The following CHST9 variants were observed in gnomAD, a reference collection of about 807,000 sequenced individuals.
CHST9 encodes the protein GalNAc-4-sulfotransferase 2.
CHST9 carries 41 observed loss-of-function variants against 44.4 expected under a neutral mutation model. The observed-to-expected ratio is 0.92, with a 90% CI of 0.72 to 1.20. The LOEUF is 1.20. Among genes scored for constraint, CHST9 ranks in the 50% most tolerant of loss-of-function variants. The pLI is 0.00. For synonymous variants in CHST9, 171 were observed against 178.4 expected, an observed-to-expected ratio of 0.96 and a Z score of 0.33; for missense variants, 504 against 516.5, an observed-to-expected ratio of 0.98 and a Z score of 0.23.
chr18:26,982,112 G>C (rs1353181048), intron 4 of CHST9, among the ~76,000 whole-genome samples: 1 of 152,104 alleles, frequency 6.6e-6, no homozygotes, highest in Non-Finnish European at 1.5e-5. Flanking sequence ...GAGTAAAAAA[G>C]ACCCATGATG....
intron 4 of CHST9, among the ~76,000 whole-genome samples, chr18:26,978,272 TGTGA>T (rs1343577779): frequency 2.2e-5 from 3 of 137,270 alleles, no homozygotes; most frequent in Non-Finnish European, 4.9e-5. Context: ...GATGTGTGTG[TGTGA>T]GTGTGTGTAT....
chr18:27,033,832 A>G (rs1029055479), intron 3 of CHST9, among the ~76,000 whole-genome samples: 12 of 152,204 alleles, frequency 7.9e-5, no homozygotes, highest in African/African-American at 2.7e-4. Flanking sequence ...GCCTATCTAA[A>G]TATGAAGTCC....
intron 5 of CHST9, chr18:26,936,800 G>A (rs1280224288): frequency 6.6e-6 from 1 of 152,180 alleles, no homozygotes; most frequent in East Asian, 1.9e-4. Flanking sequence ...ATTATTCATG[G>A]AATATATTTC....
At chr18:27,047,487 A>T (rs1197418466) in intron 3 of CHST9, among the ~76,000 whole-genome samples, 1 of 151,826 alleles carries the variant, frequency 6.6e-6, no homozygotes, top group Non-Finnish European at 1.5e-5. Context: ...AAATTCATGC[A>T]GGTATTAAGT....
chr18:27,111,804 G>GGGCATCACCTATTC (rs1430744283), intron 2 of CHST9, among the ~76,000 whole-genome samples: 2 of 152,188 alleles, frequency 1.3e-5, no homozygotes, highest in African/African-American at 4.8e-5. Context: ...CTAATTCAGT[G>GGGCATCACCTATTC]AGGGCCTGAA....
chr18:27,050,372 G>A (rs2057551420), intron 2 of CHST9, among the ~76,000 whole-genome samples: 2 of 152,126 alleles, frequency 1.3e-5, no homozygotes, highest in Non-Finnish European at 2.9e-5. Context: ...CCGTGGTTTG[G>A]GATAAGTGAA....
chr18:26,918,455 G>A (rs940638553), intron 5 of CHST9, among the ~76,000 whole-genome samples: 1 of 151,142 alleles, frequency 6.6e-6, no homozygotes, highest in Non-Finnish European at 1.5e-5. Context: ...AGTTTCCTAG[G>A]GAATATAAAC....
chr18:26,944,571 G>T (rs2056134326), intron 4 of CHST9, among the ~76,000 whole-genome samples: 2 of 152,120 alleles, frequency 1.3e-5, no homozygotes, highest in African/African-American at 4.8e-5. Flanking sequence ...GTTAGGCAAA[G>T]ATAACAGAAA....
rs146966271 is a variant in CHST9, at chr18:27,119,653, G to GTTT, written c.121+23033_121+23035dup. Among the ~76,000 whole-genome samples the GTTT allele has an allele frequency of 5.6e-3, 775 of 138,280 alleles. 12 individuals are homozygous for GTTT. Among genetic ancestry groups the GTTT allele is most frequent in the African/African-American group, 0.019 (734 of 37,858 alleles). The allele number at this position is 138,280 out of a possible 152,430, so 90.7% of individuals were successfully genotyped here. A position where few individuals can be genotyped will look rare whatever the true frequency, so the allele number is the denominator to read the frequency against. On this transcript the variant is annotated intron_variant, in intron 2 of 5. Transcript: ENST00000618847. ...CTACTTATCAGTTTTTTTGTTTTGG[G>GTTT]TTTTTTTTTTTTTTTCTACTTGCTC...
At chr18:27,043,184 C>G (rs1467974726) in intron 3 of CHST9, among the ~76,000 whole-genome samples, 1 of 151,934 alleles carries the variant, frequency 6.6e-6, no homozygotes, top group Non-Finnish European at 1.5e-5. Flanking sequence ...TGGGGATGTT[C>G]TAAGGATTCA....
At chr18:26,988,800 T>C (rs760779649) in intron 4 of CHST9, among the ~76,000 whole-genome samples, 5 of 152,116 alleles carry the variant, frequency 3.3e-5, no homozygotes, top group Non-Finnish European at 7.4e-5. Context: ...ATAAAACAAC[T>C]CTCAATAAAT....
At chr18:26,960,676 A>C (rs936172708) in intron 4 of CHST9, among the ~76,000 whole-genome samples, 2 of 152,150 alleles carry the variant, frequency 1.3e-5, no homozygotes, top group African/African-American at 4.8e-5. Context: ...AATTCAAAAA[A>C]TTGCAACCTC....
At chr18:26,975,709 ATGTG>A (rs1266109899) in intron 4 of CHST9, among the ~76,000 whole-genome samples, 6 of 56,976 alleles carry the variant, frequency 1.1e-4, no homozygotes, top group African/African-American at 2.4e-4. Flanking sequence ...ATGTGTATAT[ATGTG>A]TGTGTGTGTG....
At chr18:27,076,060 C>G (rs535084644) in intron 2 of CHST9, among the ~76,000 whole-genome samples, 1 of 152,138 alleles carries the variant, frequency 6.6e-6, no homozygotes, top group African/African-American at 2.4e-5. Context: ...TCGCATCCTC[C>G]GCTTCAAAGC....
At chr18:27,146,888 G>T (rs1300779522) in intron 1 of CHST9, among the ~76,000 whole-genome samples, 1 of 151,950 alleles carries the variant, frequency 6.6e-6, no homozygotes, top group Non-Finnish European at 1.5e-5. Context: ...ATTATGAAAA[G>T]AAATATAATT....
chr18:27,066,402 A>G (rs758083684), intron 2 of CHST9, among the ~76,000 whole-genome samples: 3 of 152,234 alleles, frequency 2.0e-5, no homozygotes, highest in Non-Finnish European at 4.4e-5. Flanking sequence ...ATAAATGACA[A>G]ATATAAATTC....
chr18:27,168,296 G>A (rs1250750697), intron 1 of CHST9, among the ~76,000 whole-genome samples: 2 of 151,942 alleles, frequency 1.3e-5, no homozygotes, highest in Non-Finnish European at 2.9e-5. Context: ...GGATGGTCTC[G>A]ATCCCCTGAC....
intron 3 of CHST9, among the ~76,000 whole-genome samples, chr18:27,031,384 TC>T (rs1252963850): frequency 2.0e-5 from 3 of 152,020 alleles, no homozygotes; most frequent in South Asian, 4.2e-4. Flanking sequence ...CTTTGACATA[TC>T]CCCCCACCAT....
chr18:27,046,619 T>C (rs1041689282), intron 3 of CHST9, among the ~76,000 whole-genome samples: 7 of 151,868 alleles, frequency 4.6e-5, no homozygotes, highest in Admixed American at 3.3e-4. Flanking sequence ...ACACACTTTA[T>C]CTAAAGAAGT....
Sources: allele counts gnomAD v4.1 joint callset (sites outside exome capture counted in the v4.1 genomes callset), GRCh38; gene constraint gnomAD v4.1.1; transcripts MANE v1.5; gene names NCBI Gene and HGNC (gene_info 2026-07-23, HGNC 2026-07-21).